The following GALNTL6 variants were observed in gnomAD, a reference collection of about 807,000 sequenced individuals.
The protein encoded by GALNTL6 is polypeptide N-acetylgalactosaminyltransferase-like 6.
Under a neutral mutation model 73.7 loss-of-function variants are expected in GALNTL6, and 46 were observed. That is an observed-to-expected ratio of 0.62 (90% CI 0.49 to 0.80). GALNTL6 has a LOEUF of 0.80. Ranked by LOEUF, GALNTL6 falls within the 30% of genes least tolerant of loss-of-function variation. GALNTL6 has a pLI of 0.00. For synonymous variants in GALNTL6, 259 were observed against 263.7 expected, an observed-to-expected ratio of 0.98 and a Z score of 0.17; for missense variants, 604 against 755.0, an observed-to-expected ratio of 0.80 and a Z score of 2.34.
intron 2 of GALNTL6, among the ~76,000 whole-genome samples, chr4:172,043,384 A>G (rs1489436663): frequency 6.6e-6 from 1 of 152,016 alleles, no homozygotes; most frequent in Non-Finnish European, 1.5e-5. Context: ...AAAGGTAGGG[A>G]AAACTGATAA....
chr4:172,601,057 A>G (rs762687861), intron 5 of GALNTL6, among the ~76,000 whole-genome samples: 1 of 152,188 alleles, frequency 6.6e-6, no homozygotes, highest in Non-Finnish European at 1.5e-5. Context: ...GCTATTAAAA[A>G]TATGCTGAAG....
At chr4:171,843,327 G>A (rs980155024) in intron 2 of GALNTL6, among the ~76,000 whole-genome samples, 8 of 151,776 alleles carry the variant, frequency 5.3e-5, no homozygotes, top group African/African-American at 9.7e-5. Flanking sequence ...ATGCACAAAC[G>A]AGAAGATCTA....
At chr4:172,350,343 C>G (rs77472990) in intron 5 of GALNTL6, among the ~76,000 whole-genome samples, 3,443 of 152,130 alleles carry the variant, frequency 0.023, 123 homozygotes, top group African/African-American at 0.077. Flanking sequence ...AGTTGAAAGC[C>G]TTTGAAAAGG....
chr4:172,808,861 C>T (rs1741124733), intron 5 of GALNTL6, among the ~76,000 whole-genome samples: 1 of 152,172 alleles, frequency 6.6e-6, no homozygotes, highest in Admixed American at 6.5e-5. Flanking sequence ...TGCTAGTTTG[C>T]TATTAACTTC....
intron 5 of GALNTL6, among the ~76,000 whole-genome samples, chr4:172,475,619 G>T (rs1733203709): frequency 6.6e-6 from 1 of 152,080 alleles, no homozygotes; most frequent in Admixed American, 6.5e-5. Context: ...TGTTTCATGG[G>T]AATTTTCTTG....
chr4:171,964,472 C>G (rs531753407), intron 2 of GALNTL6, among the ~76,000 whole-genome samples: 14 of 151,982 alleles, frequency 9.2e-5, no homozygotes, highest in African/African-American at 3.4e-4. Flanking sequence ...TTGTTTCATC[C>G]CATTTTGTCC....
chr4:173,022,484 T>C (rs1486147644), intron 12 of GALNTL6, among the ~76,000 whole-genome samples: 1 of 152,232 alleles, frequency 6.6e-6, no homozygotes, highest in African/African-American at 2.4e-5. Context: ...GCATACATAA[T>C]TTTTAACATC....
Position 172,648,144 on chromosome 4 carries a change from T to G in GALNTL6, c.554-161217T>G, listed in dbSNP as rs148229961. On this transcript the variant is annotated intron_variant, in intron 5 of 12. Transcript: ENST00000506823. Reference sequence around the variant, plus strand: ...TGACCTTTAGCTGTGTCAGATTGGCTTACTGGATTACTGGAGCCAGACTGG... The same window carrying G: ...TGACCTTTAGCTGTGTCAGATTGGCGTACTGGATTACTGGAGCCAGACTGG... Among the ~76,000 whole-genome samples the G allele has an allele frequency of 4.5e-3, 678 of 152,262 alleles. 5 individuals are homozygous for G. The highest frequency in any genetic ancestry group is 0.015 in the African/African-American group (626 of 41,566).
At chr4:172,829,966 A>G (rs901987963) in intron 7 of GALNTL6, among the ~76,000 whole-genome samples, 3 of 152,262 alleles carry the variant, frequency 2.0e-5, no homozygotes, top group African/African-American at 7.2e-5. Context: ...ACTCTTTGAA[A>G]GACAATATCC....
chr4:172,499,831 C>G (rs928672706), intron 5 of GALNTL6, among the ~76,000 whole-genome samples: 1 of 152,082 alleles, frequency 6.6e-6, no homozygotes, highest in South Asian at 2.1e-4. Context: ...AATCAGTGAA[C>G]TTGAGGATAG....
At chr4:172,834,190 CA>C (rs1416944205) in intron 7 of GALNTL6, among the ~76,000 whole-genome samples, 1 of 152,190 alleles carries the variant, frequency 6.6e-6, no homozygotes, top group East Asian at 1.9e-4. Flanking sequence ...AAAGACATCT[CA>C]CTCTCTGTTT....
intron 5 of GALNTL6, among the ~76,000 whole-genome samples, chr4:172,492,651 T>C (rs115715894): frequency 0.013 from 1,927 of 152,286 alleles, 18 homozygotes; most frequent in Non-Finnish European, 0.02. Context: ...CTAATTGGCA[T>C]CTTACTGAAT....
intron 5 of GALNTL6, among the ~76,000 whole-genome samples, chr4:172,611,513 G>T (rs1738525356): frequency 6.6e-6 from 1 of 151,970 alleles, no homozygotes; most frequent in African/African-American, 2.4e-5. Context: ...ATCTCTTCTG[G>T]CTTGTAGGGT....
intron 4 of GALNTL6, among the ~76,000 whole-genome samples, chr4:172,346,535 A>G (rs1178007663): frequency 1.3e-5 from 2 of 152,090 alleles, no homozygotes; most frequent in Non-Finnish European, 2.9e-5. Flanking sequence ...TTTCTACAAC[A>G]TTTTCCAAAT....
intron 3 of GALNTL6, among the ~76,000 whole-genome samples, chr4:172,301,859 G>A (rs1432239185): frequency 1.3e-5 from 2 of 152,172 alleles, no homozygotes; most frequent in Non-Finnish European, 2.9e-5. Context: ...CAGATCTCCA[G>A]CTGCGTTGCT....
rs149021687 is a variant in GALNTL6, at chr4:172,481,949, G to A, written c.553+133260G>A. ...CAGGGAGCAGGGGGCAGTGCCCGTC[G>A]GGGAGGCTCGGGCTGCCAGGAGCCC... is the stretch of plus-strand genomic sequence containing the variant. On this transcript the variant is annotated intron_variant, in intron 5 of 12. Coordinates refer to ENST00000506823, the MANE Select transcript of GALNTL6 (RefSeq NM_001034845.3). 7.2e-5 allele frequency among the ~76,000 whole-genome samples: 11 copies of A among 152,320 alleles called. No homozygotes were observed. The East Asian group carries it at 1.7e-3, about 24-fold the overall frequency.
At chr4:171,968,840 G>T (rs949132904) in intron 2 of GALNTL6, among the ~76,000 whole-genome samples, 9 of 141,048 alleles carry the variant, frequency 6.4e-5, no homozygotes, top group Non-Finnish European at 9.3e-5. Context: ...TTTGTGCGGG[G>T]TGGGGGGGGG....
chr4:172,781,863 A>G (rs1209050513), intron 5 of GALNTL6, among the ~76,000 whole-genome samples: 2 of 151,582 alleles, frequency 1.3e-5, no homozygotes, highest in African/African-American at 4.8e-5. Context: ...TGTATTATTT[A>G]TTTATATGTA....
chr4:172,598,910 A>G (rs890208803), intron 5 of GALNTL6, among the ~76,000 whole-genome samples: 2 of 152,138 alleles, frequency 1.3e-5, no homozygotes, highest in Non-Finnish European at 2.9e-5. Flanking sequence ...AGAAAGAACA[A>G]ACTGGTACAG....
Sources: allele counts gnomAD v4.1 joint callset (sites outside exome capture counted in the v4.1 genomes callset), GRCh38; gene constraint gnomAD v4.1.1; transcripts MANE v1.5; gene names NCBI Gene and HGNC (gene_info 2026-07-23, HGNC 2026-07-21).